PROM1: variants seen among roughly 807,000 people sequenced by gnomAD.
The protein encoded by PROM1 is prominin 1.
A neutral mutation model predicts 116.9 loss-of-function variants in PROM1; 105 were observed. That is an observed-to-expected ratio of 0.90 (90% confidence interval 0.77 to 1.06). The LOEUF is 1.06. PROM1 is among the 50% of genes least tolerant of loss of function. PROM1 has a pLI of 0.00. For synonymous variants in PROM1, 393 were observed against 387.0 expected (o/e 1.02, Z -0.18); for missense variants, 1,122 against 1,045.2 (o/e 1.07, Z -1.01).
chr4:16,000,423 G>A (rs1031086508), intron 14 of PROM1, 73 bp downstream of exon 14: 3 of 1,346,594 alleles, frequency 2.2e-6, no homozygotes, highest in African/African-American at 1.5e-5. Flanking sequence ...TGCTCTTAAA[G>A]TAATGCACAA....
In PROM1 at chr4:15,980,606, A is replaced by AT. The variant is rs200645062; in HGVS notation, c.2374-70dup. 1,905 of 732,608 alleles carry AT rather than the reference A, an allele frequency of 2.6e-3. 1 individual carries two copies. Among genetic ancestry groups the AT allele is most frequent in the South Asian group, 4.3e-3 (226 of 52,808 alleles). The allele number at this position is 732,608 out of a possible 1,614,324, so 45.4% of individuals were successfully genotyped here. A position where few individuals can be genotyped will look rare whatever the true frequency, so the allele number is the denominator to read the frequency against. Reference sequence around the variant, plus strand: ...AATGGGAAAAACAGTTGTTTGGGGGATTTTTTTTTTTTTTTTTTTTTTTTG... The same window carrying AT: ...AATGGGAAAAACAGTTGTTTGGGGGATTTTTTTTTTTTTTTTTTTTTTTTTG... On this transcript the variant is annotated intron_variant, in intron 23 of 27. Coordinates refer to ENST00000447510, the MANE Select transcript of PROM1 (RefSeq NM_006017.3).
chr4:16,081,128 T>C (rs1206442369), intron 1 of PROM1, among the ~76,000 whole-genome samples: 1 of 152,078 alleles, frequency 6.6e-6, no homozygotes, highest in Non-Finnish European at 1.5e-5. Flanking sequence ...GTTTGTTACA[T>C]GTGTATACAT....
rs1717321830 is a variant in PROM1, at chr4:15,979,911, A to G, written c.2490-7T>C. Reference sequence around the variant, plus strand: ...CATGGGTATAGTTTCAACACTATAAAATACAAAAAAGGGAGATAAAATTAA... The same window carrying G: ...CATGGGTATAGTTTCAACACTATAAGATACAAAAAAGGGAGATAAAATTAA... On this transcript the variant is annotated splice_region_variant and splice_polypyrimidine_tract_variant and intron_variant, in intron 24 of 27. Coordinates refer to ENST00000447510, the MANE Select transcript of PROM1 (RefSeq NM_006017.3). 7.2e-7 allele frequency: 1 copy of G among 1,379,932 alleles called. No individual in the cohort carries two copies. The highest frequency in any genetic ancestry group is 9.8e-7 in the Non-Finnish European group (1 of 1,017,778). The allele number at this position is 1,379,932 out of a possible 1,614,324, so 85.5% of individuals were successfully genotyped here.
chr4:16,046,430 G>A (rs908194344), intron 2 of PROM1, among the ~76,000 whole-genome samples: 1 of 152,072 alleles, frequency 6.6e-6, no homozygotes, highest in Non-Finnish European at 1.5e-5. Context: ...GTCTTCTTTA[G>A]ATAGGAAAAT....
rs1195402534 is a variant in PROM1 at position 15,980,544 on chromosome 4, A to G, written c.2374-7T>C. The G allele has an allele frequency of 6.8e-6, 10 of 1,468,092 alleles. No homozygotes were observed. Among genetic ancestry groups the G allele is most frequent in the South Asian group, 1.3e-5 (1 of 79,838 alleles). 90.9% of individuals were successfully genotyped at this position (1,468,092 alleles called of 1,614,324 possible). On this transcript the variant is annotated splice_region_variant and splice_polypyrimidine_tract_variant and intron_variant, in intron 23 of 27. Transcript: ENST00000447510. The stretch of plus-strand genomic sequence containing the variant: ...TGCCAAACCAAAACAAATTCTAGGA[A>G]AAAAAAATCAGAAGAATTAAATGTT...
intron 26 of PROM1, among the ~76,000 whole-genome samples, chr4:15,979,077 C>T (rs899084252): frequency 4.6e-5 from 7 of 152,098 alleles, no homozygotes; most frequent in African/African-American, 1.4e-4. Flanking sequence ...TGTAACTACT[C>T]AGGTTATTTG....
chr4:16,077,658 C>A (rs927461717), intron 1 of PROM1, among the ~76,000 whole-genome samples: 1 of 152,092 alleles, frequency 6.6e-6, no homozygotes, highest in Non-Finnish European at 1.5e-5. Context: ...AAGAGTCAAA[C>A]CCACTAGTTT....
intron 6 of PROM1, among the ~76,000 whole-genome samples, chr4:16,024,846 A>T (rs1467223995): frequency 6.6e-6 from 1 of 152,206 alleles, no homozygotes; most frequent in Non-Finnish European, 1.5e-5. Flanking sequence ...CAAGTGATGG[A>T]AAGTTAACTA....
intron 23 of PROM1, among the ~76,000 whole-genome samples, chr4:15,981,225 T>C (rs997053309): frequency 1.3e-5 from 2 of 149,376 alleles, no homozygotes; most frequent in Non-Finnish European, 3.0e-5. Context: ...CCTCCCAAAG[T>C]GCTGAGATTA....
intron 2 of PROM1, among the ~76,000 whole-genome samples, chr4:16,041,734 C>A (rs548630478): frequency 6.8e-6 from 1 of 147,234 alleles, no homozygotes; most frequent in Non-Finnish European, 1.5e-5. Context: ...GGTGACAGAT[C>A]GAGACCCTGC....
intron 2 of PROM1, among the ~76,000 whole-genome samples, chr4:16,062,033 G>A (rs773493904): frequency 6.6e-5 from 10 of 151,742 alleles, no homozygotes; most frequent in South Asian, 2.1e-4. Context: ...CTGGGACTAC[G>A]GGCGCCTGCC....
At chr4:15,996,888 AGTGTTCTGCTCTCAAT>A (rs1399487696) in intron 15 of PROM1, among the ~76,000 whole-genome samples, 8 of 152,196 alleles carry the variant, frequency 5.3e-5, no homozygotes, top group African/African-American at 1.9e-4. Flanking sequence ...TGACTTATGA[AGTGTTCTGCTCTCAAT>A]GTGAGTCACT....
intron 12 of PROM1, 54 bp downstream of exon 12, chr4:16,008,895 T>G (rs1171641380): frequency 6.8e-7 from 1 of 1,468,568 alleles, no homozygotes; most frequent in East Asian, 2.3e-5. Context: ...GATTTTTATC[T>G]CGTTCTCTAC....
intron 19 of PROM1, among the ~76,000 whole-genome samples, chr4:15,988,945 C>T (rs1284990167): frequency 2.0e-5 from 3 of 152,142 alleles, no homozygotes; most frequent in Admixed American, 2.0e-4. Flanking sequence ...GATTTACTTG[C>T]TTGTCCAAAC....
intron 2 of PROM1, among the ~76,000 whole-genome samples, chr4:16,046,155 C>A (rs893268259): frequency 9.9e-5 from 15 of 152,200 alleles, no homozygotes; most frequent in African/African-American, 3.6e-4. Context: ...CTGGGAGCAC[C>A]AGCTTCTGGG....
chr4:16,079,888 TG>T (rs1744675514), intron 1 of PROM1: 2 of 151,886 alleles, frequency 1.3e-5, no homozygotes, highest in South Asian at 4.2e-4. Context: ...TGCTTTGAAT[TG>T]ATCTACCCCA....
At chr4:16,067,249 C>G (rs1350414859) in intron 2 of PROM1, among the ~76,000 whole-genome samples, 2 of 152,202 alleles carry the variant, frequency 1.3e-5, no homozygotes, top group Non-Finnish European at 2.9e-5. Flanking sequence ...GCCTCTTAGC[C>G]ATCAGGGTGT....
At chr4:16,026,031 C>T (rs953735511) in intron 5 of PROM1, among the ~76,000 whole-genome samples, 5 of 152,134 alleles carry the variant, frequency 3.3e-5, no homozygotes, top group Admixed American at 2.0e-4. Context: ...GTACTCTGTT[C>T]GTGGGTGGAT....
intron 5 of PROM1, among the ~76,000 whole-genome samples, chr4:16,030,884 A>G (rs1732536801): frequency 6.6e-6 from 1 of 152,148 alleles, no homozygotes; most frequent in South Asian, 2.1e-4. Flanking sequence ...CGTCTCTACT[A>G]AAAATACAAA....
Sources: allele counts gnomAD v4.1 joint callset (sites outside exome capture counted in the v4.1 genomes callset), GRCh38; gene constraint gnomAD v4.1.1; transcripts MANE v1.5; gene names NCBI Gene and HGNC (gene_info 2026-07-23, HGNC 2026-07-21).